Variants in CDH8 observed in about 807,000 individuals in gnomAD.
The protein encoded by CDH8 is cadherin 8, also known as cadherin-8.
In CDH8, 17 loss-of-function variants were observed where a neutral mutation model predicts 68.1. The observed-to-expected ratio is 0.25, with a 90% confidence interval of 0.17 to 0.37. CDH8 has a LOEUF of 0.37. CDH8 is among the 10% of genes least tolerant of loss of function. The probability of loss-of-function intolerance (pLI) is 1.00; values close to 1 mark genes in which losing one functional copy is unlikely to be tolerated. For synonymous variants in CDH8, 372 were observed against 365.1 expected, an observed-to-expected ratio of 1.02 and a Z score of -0.21; for missense variants, 763 against 999.3, an observed-to-expected ratio of 0.76 and a Z score of 3.19.
chr16:62,000,725 T>C (rs916416460), intron 2 of CDH8, among the ~76,000 whole-genome samples: 11 of 152,202 alleles, frequency 7.2e-5, no homozygotes, highest in Non-Finnish European at 1.5e-5. Context: ...ATTGAAGTTT[T>C]TCTCATTTCA....
chr16:61,837,973 G>A (rs1962603460), intron 4 of CDH8, among the ~76,000 whole-genome samples: 1 of 152,090 alleles, frequency 6.6e-6, no homozygotes, highest in African/African-American at 2.4e-5. Context: ...AGAACAGAAA[G>A]TGAGGTGGAT....
chr16:61,816,859 A>G (rs1254403485), intron 7 of CDH8, among the ~76,000 whole-genome samples: 3 of 152,184 alleles, frequency 2.0e-5, no homozygotes, highest in Non-Finnish European at 4.4e-5. Context: ...TTTTGAGCAG[A>G]AAAACTATAA....
chr16:61,824,430 T>C (rs770373873), intron 5 of CDH8, among the ~76,000 whole-genome samples: 32 of 151,872 alleles, frequency 2.1e-4, no homozygotes, highest in Admixed American at 1.1e-3. Context: ...AAGAAAGTGT[T>C]CGATGAGAGT....
At chr16:61,668,032 T>C (rs1287306014) in intron 10 of CDH8, among the ~76,000 whole-genome samples, 2 of 152,000 alleles carry the variant, frequency 1.3e-5, no homozygotes, top group African/African-American at 4.8e-5. Context: ...AGTTTTTCCA[T>C]GTTATGACAC....
chr16:61,667,950 A>T (rs1296229891), intron 10 of CDH8, among the ~76,000 whole-genome samples: 1 of 152,034 alleles, frequency 6.6e-6, no homozygotes, highest in East Asian at 1.9e-4. Flanking sequence ...TTACCTCAAA[A>T]AACAAGGGAA....
At chr16:61,679,092 T>C (rs1286798437) in intron 10 of CDH8, among the ~76,000 whole-genome samples, 1 of 152,040 alleles carries the variant, frequency 6.6e-6, no homozygotes, top group Non-Finnish European at 1.5e-5. Context: ...CAATGAAATG[T>C]GAACAGAAGT....
rs116551854 is a variant in CDH8, at chr16:61,820,855, A to G, written c.1023+71T>C. 2.3e-3 allele frequency: 3,020 copies of G among 1,332,728 alleles called. 68 individuals carry two copies. In the African/African-American group the frequency reaches 0.038, roughly 17 times the overall value. The allele number at this position is 1,332,728 out of a possible 1,614,324, so 82.6% of individuals were successfully genotyped here. On this transcript the variant is annotated intron_variant, in intron 6 of 11. Coordinates refer to ENST00000577390, the MANE Select transcript of CDH8 (RefSeq NM_001796.5). Reference sequence around the variant, plus strand: ...TGCAATTCTGCCAGGAACTCCACACAAGTCCCTCAACTTTAAAACTCAAGT... The same window carrying G: ...TGCAATTCTGCCAGGAACTCCACACGAGTCCCTCAACTTTAAAACTCAAGT...
At chr16:61,875,674 C>A (rs543919070) in intron 3 of CDH8, among the ~76,000 whole-genome samples, 1 of 152,122 alleles carries the variant, frequency 6.6e-6, no homozygotes, top group Admixed American at 6.5e-5. Flanking sequence ...CCTATATATG[C>A]TTCAAGGTTC....
At chr16:61,933,302 G>A (rs141473360) in intron 2 of CDH8, among the ~76,000 whole-genome samples, 84 of 152,296 alleles carry the variant, frequency 5.5e-4, no homozygotes, top group African/African-American at 1.9e-3. Flanking sequence ...GACAAGAGGA[G>A]AGGCTGTATT....
At chr16:61,752,397 G>A (rs978398182) in intron 8 of CDH8, among the ~76,000 whole-genome samples, 6 of 152,228 alleles carry the variant, frequency 3.9e-5, no homozygotes, top group African/African-American at 1.4e-4. Context: ...ATTGCAAAGA[G>A]AATTAAACAA....
At chr16:61,683,645 C>T (rs16963816) in intron 10 of CDH8, among the ~76,000 whole-genome samples, 2,094 of 152,016 alleles carry the variant, frequency 0.014, 51 homozygotes, top group African/African-American at 0.048. Flanking sequence ...GAGGGGCTGA[C>T]CCTAGATGCT....
intron 2 of CDH8, among the ~76,000 whole-genome samples, chr16:62,018,539 C>A (rs1597129245): frequency 6.6e-6 from 1 of 152,150 alleles, no homozygotes; most frequent in East Asian, 1.9e-4. Flanking sequence ...TCGCACTCAG[C>A]CTGACTCATA....
intron 2 of CDH8, among the ~76,000 whole-genome samples, chr16:61,950,010 C>T (rs1964865479): frequency 6.6e-6 from 1 of 150,900 alleles, no homozygotes; most frequent in African/African-American, 2.4e-5. Context: ...AAATCCTAAG[C>T]TTCATGAACC....
chr16:62,031,429 G>A (rs1172412259), intron 1 of CDH8, among the ~76,000 whole-genome samples: 1 of 152,026 alleles, frequency 6.6e-6, no homozygotes, highest in Non-Finnish European at 1.5e-5. Context: ...CTAGTGTAGG[G>A]TGCAGGGTCT....
At chr16:61,971,700 G>A (rs1965343188) in intron 2 of CDH8, among the ~76,000 whole-genome samples, 1 of 152,182 alleles carries the variant, frequency 6.6e-6, no homozygotes, top group African/African-American at 2.4e-5. Context: ...CCTGGAGTTT[G>A]GAGGGTGGGG....
At chr16:61,855,767 C>T (rs1009841987) in intron 4 of CDH8, among the ~76,000 whole-genome samples, 9 of 151,998 alleles carry the variant, frequency 5.9e-5, no homozygotes, top group Non-Finnish European at 1.3e-4. Flanking sequence ...AATAAAAAAC[C>T]AGGGTGTGAG....
At chr16:62,033,581 T>A (rs927956132) in intron 1 of CDH8, among the ~76,000 whole-genome samples, 1 of 152,176 alleles carries the variant, frequency 6.6e-6, no homozygotes, top group Non-Finnish European at 1.5e-5. Flanking sequence ...TAATAATAAT[T>A]AGTAATGTAA....
intron 2 of CDH8, among the ~76,000 whole-genome samples, chr16:61,934,377 T>G (rs1024521110): frequency 1.3e-5 from 2 of 152,152 alleles, no homozygotes; most frequent in Non-Finnish European, 2.9e-5. Flanking sequence ...TGTAATTCTA[T>G]GCTAGTTAGT....
intron 2 of CDH8, among the ~76,000 whole-genome samples, chr16:62,010,302 G>A (rs1261037738): frequency 2.0e-5 from 3 of 152,068 alleles, no homozygotes; most frequent in Admixed American, 6.5e-5. Flanking sequence ...TAATCTCACT[G>A]TTCTCATCTG....
Sources: gnomAD v4.1 joint callset for allele counts (sites outside exome capture counted in the v4.1 genomes callset) on GRCh38, gnomAD v4.1.1 for gene constraint, MANE v1.5 for transcripts, NCBI Gene and HGNC (gene_info 2026-07-23, HGNC 2026-07-21) for gene names.